Variants in TAOK1 observed in about 807,000 individuals in gnomAD.
The protein encoded by TAOK1 is TAO kinase 1.
TAOK1 carries 21 observed loss-of-function variants against 138.3 expected under a neutral mutation model. That is an observed-to-expected ratio of 0.15 (90% CI 0.11 to 0.22). The LOEUF (loss-of-function observed/expected upper bound fraction) is 0.22, where lower values mean the gene tolerates loss of function less well. TAOK1 is among the 10% of genes least tolerant of loss of function. The pLI is 1.00. For missense variants in TAOK1, 651 were observed against 1,227.7 expected, an observed-to-expected ratio of 0.53 and a Z score of 7.02; for synonymous variants, 361 against 398.4, an observed-to-expected ratio of 0.91 and a Z score of 1.12.
chr17:29,481,210 T>A, intron 7 of TAOK1, among the ~76,000 whole-genome samples: 1 of 151,658 alleles, frequency 6.6e-6, no homozygotes, highest in East Asian at 1.9e-4. Context: ...TTTTTTTTTT[T>A]TGAGACATAG....
In TAOK1 at chr17:29,545,914, T is replaced by C. The variant is rs1195894746; in HGVS notation, c.*2892T>C. 6.6e-6 allele frequency: 1 copy of C among 152,142 alleles called. No homozygotes were observed. The highest frequency in any genetic ancestry group is 1.9e-4 in the East Asian group (1 of 5,202). The allele number at this position is 152,142 out of a possible 1,614,324, so 9.4% of individuals were successfully genotyped here. On this transcript the variant is annotated 3_prime_UTR_variant, in exon 20 of 20. Transcript: ENST00000261716. ...CAGAAGTTGTAAATGCTATATCTGG[T>C]ATCCAGAGGCTGGCTGTAAAAAGTT... is the stretch of plus-strand genomic sequence containing the variant.
rs766934070 is a variant in TAOK1 at position 29,448,803 on chromosome 17, AAC to A, written c.-94-2651_-94-2650del. ...TTTTATTCAGCAATATTTATATAATAACTGTAGATGGTAAGGGGTAGAAGCTG... is the reference window on the plus strand; with the variant it reads ...TTTTATTCAGCAATATTTATATAATATGTAGATGGTAAGGGGTAGAAGCTG... On this transcript the variant is annotated intron_variant, in intron 1 of 19. Coordinates refer to ENST00000261716, the MANE Select transcript of TAOK1 (RefSeq NM_020791.4). Among the ~76,000 whole-genome samples, 1,492 of 152,304 alleles carry A rather than the reference AAC, an allele frequency of 9.8e-3. 13 individuals are homozygous for A. Among genetic ancestry groups the A allele is most frequent in the Non-Finnish European group, 0.014 (984 of 68,026 alleles).
chr17:29,455,044 GGGA>G (rs1219562708), intron 2 of TAOK1, among the ~76,000 whole-genome samples: 5 of 152,086 alleles, frequency 3.3e-5, no homozygotes, highest in African/African-American at 4.8e-5. Flanking sequence ...CTAAGTTGCT[GGGA>G]TTACAGGTAC....
intron 3 of TAOK1, among the ~76,000 whole-genome samples, chr17:29,474,976 G>A (rs2030911318): frequency 6.6e-6 from 1 of 152,032 alleles, no homozygotes; most frequent in Admixed American, 6.5e-5. Flanking sequence ...GTTTCGCTCT[G>A]TCACCAGGCT....
In TAOK1 at chr17:29,412,918, T is replaced by G. The variant is rs78886738; in HGVS notation, c.-95+21894T>G. 1.1e-3 allele frequency among the ~76,000 whole-genome samples: 170 copies of G among 152,358 alleles called. 5 individuals carry two copies. The East Asian group carries it at 0.03, about 27-fold the overall frequency. On this transcript the variant is annotated intron_variant, in intron 1 of 19. Coordinates refer to ENST00000261716, the MANE Select transcript of TAOK1 (RefSeq NM_020791.4). ...TTGCACGGGAATTGCACAGTAGGTC[T>G]TTGAACTTTCTGAGGTTGTGTACAA... is the stretch of plus-strand genomic sequence containing the variant.
intron 8 of TAOK1, among the ~76,000 whole-genome samples, chr17:29,483,559 C>T (rs542850867): frequency 9.9e-5 from 15 of 152,182 alleles, no homozygotes; most frequent in Non-Finnish European, 2.2e-4. Context: ...ATTAAAGTTA[C>T]GATTTCTATT....
In TAOK1 at chr17:29,487,246, C is replaced by CAAAA. The variant is rs71138823; in HGVS notation, c.656-2392_656-2389dup. 2.8e-4 allele frequency among the ~76,000 whole-genome samples: 25 copies of CAAAA among 90,294 alleles called. 3 individuals are homozygous for CAAAA. Among genetic ancestry groups the CAAAA allele is most frequent in the African/African-American group, 1.2e-3 (24 of 19,798 alleles). The allele number at this position is 90,294 out of a possible 152,430, so 59.2% of individuals were successfully genotyped here. On this transcript the variant is annotated intron_variant, in intron 8 of 19. Transcript: ENST00000261716. ...GGGCAACAGAGCGAGACTGTGTCTC[C>CAAAA]AAAAAAAAAAAAAAAAAAAAAAAAA...
intron 10 of TAOK1, among the ~76,000 whole-genome samples, chr17:29,493,363 G>T (rs2031345309): frequency 6.6e-6 from 1 of 151,582 alleles, no homozygotes. Context: ...ACGTGGTGGC[G>T]CATGCCTGTA....
chr17:29,494,080 C>G (rs2031361847), intron 10 of TAOK1, among the ~76,000 whole-genome samples: 1 of 151,994 alleles, frequency 6.6e-6, no homozygotes, highest in Non-Finnish European at 1.5e-5. Flanking sequence ...CCACGTCCTG[C>G]TAATTTTTTA....
intron 19 of TAOK1, among the ~76,000 whole-genome samples, chr17:29,541,739 C>A (rs983695802): frequency 2.6e-5 from 4 of 151,262 alleles, no homozygotes; most frequent in Non-Finnish European, 5.9e-5. Flanking sequence ...TAGTGACATT[C>A]CACTCCAGCC....
intron 1 of TAOK1, among the ~76,000 whole-genome samples, chr17:29,401,783 T>G (rs1904853110): frequency 6.6e-6 from 1 of 152,028 alleles, no homozygotes; most frequent in Admixed American, 6.6e-5. Context: ...GCCTCCTGAG[T>G]AGCTGTGCCA....
At chr17:29,456,393 A>G (rs2030377592) in intron 2 of TAOK1, among the ~76,000 whole-genome samples, 1 of 150,194 alleles carries the variant, frequency 6.7e-6, no homozygotes, top group Admixed American at 6.6e-5. Flanking sequence ...TAGGGAAGCC[A>G]TTTGGTTCTG....
chr17:29,432,092 AT>A, intron 1 of TAOK1, among the ~76,000 whole-genome samples: 2 of 152,370 alleles, frequency 1.3e-5, no homozygotes, highest in South Asian at 4.1e-4. Context: ...ACACAGAAAT[AT>A]AAAGTGTGGA....
intron 1 of TAOK1, among the ~76,000 whole-genome samples, chr17:29,399,056 G>A (rs569527277): frequency 2.7e-5 from 4 of 147,022 alleles, no homozygotes; most frequent in East Asian, 2.0e-4. Flanking sequence ...GCACGATCTC[G>A]GCTGCCTGCA....
At chr17:29,400,990 G>A (rs767206068) in intron 1 of TAOK1, among the ~76,000 whole-genome samples, 2 of 147,012 alleles carry the variant, frequency 1.4e-5, no homozygotes, top group Non-Finnish European at 3.0e-5. Flanking sequence ...AGTTCACTGC[G>A]GCCTCCACCT....
At chr17:29,494,976 CTG>C (rs1220728635) in intron 10 of TAOK1, among the ~76,000 whole-genome samples, 2 of 151,782 alleles carry the variant, frequency 1.3e-5, no homozygotes, top group Non-Finnish European at 2.9e-5. Context: ...TACAATGTAA[CTG>C]TGATCATCAT....
At chr17:29,435,047 C>T (rs1262491761) in intron 1 of TAOK1, among the ~76,000 whole-genome samples, 1 of 152,162 alleles carries the variant, frequency 6.6e-6, no homozygotes, top group East Asian at 1.9e-4. Flanking sequence ...CTTTGGTTAG[C>T]TCCCTTGGTC....
chr17:29,474,698 C>G (rs539675451), intron 3 of TAOK1, among the ~76,000 whole-genome samples: 2 of 152,004 alleles, frequency 1.3e-5, no homozygotes, highest in African/African-American at 4.8e-5. Flanking sequence ...TCACAGATCA[C>G]CATAACAGAT....
At chr17:29,464,271 TA>T (rs371410674) in intron 2 of TAOK1, among the ~76,000 whole-genome samples, 348 of 139,914 alleles carry the variant, frequency 2.5e-3, no homozygotes, top group Admixed American at 2.6e-3. Flanking sequence ...CCGTCTCTAC[TA>T]AAAAAAAAAA....
Sources: allele counts gnomAD v4.1 joint callset (sites outside exome capture counted in the v4.1 genomes callset), GRCh38; gene constraint gnomAD v4.1.1; transcripts MANE v1.5; gene names NCBI Gene and HGNC (gene_info 2026-07-23, HGNC 2026-07-21).